HMCN1: variants seen among roughly 807,000 people sequenced by gnomAD.
The protein encoded by HMCN1 is hemicentin-1.
Under a neutral mutation model 625.9 loss-of-function variants are expected in HMCN1, and 321 were observed. The observed-to-expected ratio is 0.51, with a 90% CI of 0.47 to 0.56. The LOEUF is 0.56. Ranked by LOEUF, HMCN1 falls within the 20% of genes least tolerant of loss-of-function variation. The pLI is 0.00. For missense variants in HMCN1, 6,588 were observed against 6,887.3 expected (o/e 0.96, Z 1.54); for synonymous variants, 2,425 against 2,417.6 (o/e 1.00, Z -0.09).
intron 2 of HMCN1, among the ~76,000 whole-genome samples, chr1:185,847,697 C>A (rs535729570): frequency 7.9e-5 from 12 of 152,240 alleles, no homozygotes; most frequent in African/African-American, 2.9e-4. Flanking sequence ...CGCCTGTAAT[C>A]CCAGTGCTGC....
At chr1:185,743,200 CATGA>C (rs1177873729) in intron 1 of HMCN1, among the ~76,000 whole-genome samples, 1 of 152,146 alleles carries the variant, frequency 6.6e-6, no homozygotes, top group Admixed American at 6.5e-5. Context: ...AGAAATATTT[CATGA>C]ATGAATGAAT....
chr1:186,040,206 A>G (rs1311128731), intron 39 of HMCN1, among the ~76,000 whole-genome samples: 2 of 152,166 alleles, frequency 1.3e-5, no homozygotes, highest in Admixed American at 1.3e-4. Context: ...AAATGTTAAT[A>G]AGAAAATAGG....
chr1:186,186,994 TCACACACACA>T (rs371455899), intron 105 of HMCN1, among the ~76,000 whole-genome samples: 277 of 134,520 alleles, frequency 2.1e-3, no homozygotes, highest in Admixed American at 4.2e-3. Context: ...TGTCTCTGTC[TCACACACACA>T]CACACACACA....
chr1:185,781,832 G>A (rs1001954612), intron 1 of HMCN1, among the ~76,000 whole-genome samples: 18 of 152,218 alleles, frequency 1.2e-4, no homozygotes, highest in African/African-American at 4.3e-4. Context: ...CTGTTGATTT[G>A]GGGTGGAGAG....
chr1:186,114,924 G>A lies in HMCN1; in HGVS notation c.11382G>A (p.Arg3794=), dbSNP rs530972182. 122 of 1,614,120 alleles carry A rather than the reference G, an allele frequency of 7.6e-5. 1 individual carries two copies. The South Asian group carries it at 1.1e-3, about 15-fold the overall frequency. Residue 3794 remains arginine (R), a synonymous_variant, in exon 74 of 107, where the codon AGG becomes AGA. Transcript: ENST00000271588. The part of the protein sequence containing the change: ...MATNAAGTDR[R]RIDLQVHVPP... ...CCAATGCTGCTGGAACAGATCGCAG[G>A]CGAATAGATTTACAGGTCCATGGTA...
Position 186,087,299 on chromosome 1 carries a change from A to G in HMCN1, c.9129A>G (p.Glu3043=), listed in dbSNP as rs1659557658. ...GTATAGCTATCAATCAAGCTGGCGA[A>G]AGCAAGAAAAAGTTTTCCCTGACTG... is the stretch of plus-strand genomic sequence containing the variant. The part of the protein sequence containing the change: ...YTCIAINQAG[E]SKKKFSLTVY... The change falls in exon 59 of 107, where the codon GAA becomes GAG. Residue 3043 remains glutamate (E), a synonymous_variant. Transcript: ENST00000271588. 1 of 1,613,126 alleles carries G rather than the reference A, an allele frequency of 6.2e-7. No individual in the cohort carries two copies. The highest frequency in any genetic ancestry group is 8.5e-7 in the Non-Finnish European group (1 of 1,179,396).
At chr1:186,010,812 T>C (rs911786822) in intron 30 of HMCN1, among the ~76,000 whole-genome samples, 2 of 152,126 alleles carry the variant, frequency 1.3e-5, no homozygotes, top group Admixed American at 1.3e-4. Context: ...TTGCAGACCA[T>C]TAGGCAAAAT....
intron 1 of HMCN1, among the ~76,000 whole-genome samples, chr1:185,763,717 G>A (rs562947322): frequency 6.6e-6 from 1 of 152,272 alleles, no homozygotes; most frequent in African/African-American, 2.4e-5. Flanking sequence ...ATTTTGGCAT[G>A]GGGCAGGTAC....
At chr1:185,815,288 A>C (rs2102255241) in intron 1 of HMCN1, among the ~76,000 whole-genome samples, 1 of 150,436 alleles carries the variant, frequency 6.6e-6, no homozygotes, top group Non-Finnish European at 1.5e-5. Flanking sequence ...ACTAGATTTA[A>C]GTGTGATGAG....
intron 4 of HMCN1, among the ~76,000 whole-genome samples, chr1:185,892,786 G>T (rs1457515141): frequency 6.6e-6 from 1 of 152,176 alleles, no homozygotes; most frequent in South Asian, 2.1e-4. Context: ...CCTGCCCCCA[G>T]AGGTGGAGCC....
intron 100 of HMCN1, among the ~76,000 whole-genome samples, chr1:186,168,339 G>T (rs529934515): frequency 1.3e-5 from 2 of 151,796 alleles, no homozygotes; most frequent in Non-Finnish European, 2.9e-5. Flanking sequence ...TGTAATCCCA[G>T]CTACTTGGGA....
intron 1 of HMCN1, among the ~76,000 whole-genome samples, chr1:185,787,141 ATGTGTGTGTGTG>A (rs375544191): frequency 1.3e-4 from 18 of 141,252 alleles, no homozygotes; most frequent in Non-Finnish European, 2.5e-4. Flanking sequence ...GCCATGATGT[ATGTGTGTGTGTG>A]TGTGTGTGTG....
chr1:186,080,129 A>G (rs780698567), intron 55 of HMCN1, among the ~76,000 whole-genome samples: 2 of 152,216 alleles, frequency 1.3e-5, no homozygotes, highest in Non-Finnish European at 2.9e-5. Flanking sequence ...TATACATTTT[A>G]TATTATCTGA....
chr1:186,129,117 A>C (rs1027924319), intron 83 of HMCN1, among the ~76,000 whole-genome samples: 1 of 151,970 alleles, frequency 6.6e-6, no homozygotes, highest in Non-Finnish European at 1.5e-5. Flanking sequence ...CTGAAAGTGC[A>C]GTACTAATGT....
At chr1:186,063,034 ATGTGTGTGTG>A (rs376321567) in intron 48 of HMCN1, among the ~76,000 whole-genome samples, 3 of 95,174 alleles carry the variant, frequency 3.2e-5, no homozygotes, top group African/African-American at 4.5e-5. Context: ...ATTCCATGGA[ATGTGTGTGTG>A]TGTGTGTGTG....
At chr1:186,028,214 G>T (rs1011708614) in intron 36 of HMCN1, among the ~76,000 whole-genome samples, 1 of 152,094 alleles carries the variant, frequency 6.6e-6, no homozygotes, top group Non-Finnish European at 1.5e-5. Flanking sequence ...AAGGTATTCT[G>T]GTTTTGGCAT....
intron 62 of HMCN1, among the ~76,000 whole-genome samples, 157 bp downstream of exon 62, chr1:186,088,433 A>T (rs1219937429): frequency 6.6e-6 from 1 of 152,076 alleles, no homozygotes; most frequent in East Asian, 1.9e-4. Flanking sequence ...AAATAGACTC[A>T]TTGTAAAATG....
chr1:185,902,958 A>T (rs182033055), intron 4 of HMCN1, among the ~76,000 whole-genome samples: 1 of 151,734 alleles, frequency 6.6e-6, no homozygotes, highest in Admixed American at 6.6e-5. Flanking sequence ...AAAAAAAAAC[A>T]TGTGAAACAA....
At chr1:185,854,462 G>A (rs986831988) in intron 2 of HMCN1, among the ~76,000 whole-genome samples, 3 of 152,158 alleles carry the variant, frequency 2.0e-5, no homozygotes, top group Non-Finnish European at 2.9e-5. Context: ...TTTGTCACCA[G>A]ATGATACCTG....
Sources: allele counts gnomAD v4.1 joint callset (sites outside exome capture counted in the v4.1 genomes callset), GRCh38; gene constraint gnomAD v4.1.1; transcripts MANE v1.5; gene names NCBI Gene and HGNC (gene_info 2026-07-23, HGNC 2026-07-21).